ST6GALNAC5: variants seen among roughly 807,000 people sequenced by gnomAD.
The protein encoded by ST6GALNAC5 is alpha-N-acetylgalactosaminide alpha-2,6-sialyltransferase 5.
ST6GALNAC5 carries 27 observed loss-of-function variants against 33.6 expected under a neutral mutation model. The ratio of observed to expected loss-of-function variants is 0.80; its 90% confidence interval spans 0.59 to 1.11. The LOEUF is 1.11. Among genes scored for constraint, ST6GALNAC5 ranks in the 50% least tolerant of loss-of-function variants. The pLI is 0.00. For missense variants in ST6GALNAC5, 428 were observed against 454.0 expected (o/e 0.94, Z 0.52); for synonymous variants, 194 against 171.2 (o/e 1.13, Z -1.04).
chr1:76,883,981 T>C (rs1298834587), intron 2 of ST6GALNAC5, among the ~76,000 whole-genome samples: 1 of 152,148 alleles, frequency 6.6e-6, no homozygotes. Flanking sequence ...GAGGAAGTCT[T>C]TAAAAGGTAA....
chr1:76,975,818 C>T (rs956238202), intron 2 of ST6GALNAC5, among the ~76,000 whole-genome samples: 2 of 152,024 alleles, frequency 1.3e-5, no homozygotes, highest in African/African-American at 4.8e-5. Flanking sequence ...GGACTGGGCA[C>T]GGTGGATGGC....
chr1:77,057,199 A>G (rs1271030236), intron 4 of ST6GALNAC5, among the ~76,000 whole-genome samples: 1 of 152,214 alleles, frequency 6.6e-6, no homozygotes, highest in East Asian at 1.9e-4. Flanking sequence ...CAAAGACACC[A>G]TTCTTTCCTC....
At position 76,882,912 on chromosome 1, in the gene ST6GALNAC5, C is replaced by T. The variant is rs565251327; in HGVS notation, c.261+14170C>T. On this transcript the variant is annotated intron_variant, in intron 2 of 4. Coordinates refer to ENST00000477717, the MANE Select transcript of ST6GALNAC5 (RefSeq NM_030965.3). ...CTGCCCTCAGCCTAGGCACTACGCA[C>T]CCAGGGATACCGCTGCCCTCAGCCT... Among the ~76,000 whole-genome samples, 6 of 152,230 alleles carry T rather than the reference C, an allele frequency of 3.9e-5. No individual in the cohort carries two copies. In the South Asian group the frequency reaches 1.2e-3, roughly 32 times the overall value.
chr1:77,044,394 G>C lies in ST6GALNAC5; in HGVS notation c.452G>C (p.Arg151Thr), dbSNP rs756996368. 1 of 1,613,408 alleles carries C rather than the reference G, an allele frequency of 6.2e-7. No homozygotes were observed. The highest frequency in any genetic ancestry group is 8.5e-7 in the Non-Finnish European group (1 of 1,179,634). The change falls in exon 3 of 5, where the codon AGG becomes ACG. Residue 151 changes from arginine to threonine, a missense_variant. Physicochemically the swap from Arg to Thr is moderately conservative, Grantham distance 71. Transcript: ENST00000477717. ...LRVIAHSSIQ[R>T]ILRNRHDLLN... ...GTCATCGCGCATTCCAGCATCCAGA[G>C]GATCCTCCGCAACCGCCATGACCTG... is the stretch of plus-strand genomic sequence containing the variant.
chr1:77,059,862 A>C (rs940452330), intron 4 of ST6GALNAC5, among the ~76,000 whole-genome samples: 1 of 151,920 alleles, frequency 6.6e-6, no homozygotes, highest in Non-Finnish European at 1.5e-5. Context: ...TTATTTATTC[A>C]GTTATTTATT....
intron 2 of ST6GALNAC5, 32 bp from the exon 3 acceptor site, chr1:77,044,172 C>G: frequency 6.4e-7 from 1 of 1,566,152 alleles, no homozygotes; most frequent in South Asian, 1.2e-5. Context: ...GCCCTTTGCC[C>G]CTGACAGTGT....
intron 4 of ST6GALNAC5, among the ~76,000 whole-genome samples, chr1:77,057,680 G>C (rs1298967845): frequency 6.6e-6 from 1 of 152,168 alleles, no homozygotes; most frequent in African/African-American, 2.4e-5. Flanking sequence ...TTAGACGAGG[G>C]CAAAGAAATC....
At chr1:77,046,673 G>T (rs1302268863) in intron 3 of ST6GALNAC5, among the ~76,000 whole-genome samples, 1 of 152,188 alleles carries the variant, frequency 6.6e-6, no homozygotes, top group Non-Finnish European at 1.5e-5. Flanking sequence ...ATTTAATCAA[G>T]AAAACATTTT....
intron 2 of ST6GALNAC5, among the ~76,000 whole-genome samples, chr1:76,954,208 G>T (rs889452010): frequency 1.3e-5 from 2 of 152,114 alleles, no homozygotes; most frequent in African/African-American, 4.8e-5. Context: ...TTAAAAAGGA[G>T]CGAGATTATG....
In ST6GALNAC5 at chr1:76,999,703, A is replaced by C. The variant is rs538857210; in HGVS notation, c.262-44501A>C. On this transcript the variant is annotated intron_variant, in intron 2 of 4. Transcript: ENST00000477717. The stretch of plus-strand genomic sequence containing the variant: ...CCCCTTCCTGTGTCCATGTGATCTC[A>C]TTGTTCAATTCCCACCTATGAGTGA... Among the ~76,000 whole-genome samples, 1,264 of 136,554 alleles carry C rather than the reference A, an allele frequency of 9.3e-3. 19 individuals are homozygous for C. The highest frequency in any genetic ancestry group is 0.034 in the African/African-American group (1,208 of 35,914). The allele number at this position is 136,554 out of a possible 152,430, so 89.6% of individuals were successfully genotyped here.
intron 2 of ST6GALNAC5, among the ~76,000 whole-genome samples, chr1:77,038,201 G>T (rs970057580): frequency 6.6e-6 from 1 of 152,220 alleles, no homozygotes; most frequent in South Asian, 2.1e-4. Flanking sequence ...ACTGGGTGGA[G>T]ACAGAAAGAC....
At chr1:76,943,950 C>T (rs1200522400) in intron 2 of ST6GALNAC5, among the ~76,000 whole-genome samples, 1 of 151,986 alleles carries the variant, frequency 6.6e-6, no homozygotes. Context: ...CATTATTTAA[C>T]CAATGTTGGG....
At chr1:76,948,679 A>C (rs1426489657) in intron 2 of ST6GALNAC5, among the ~76,000 whole-genome samples, 3 of 152,034 alleles carry the variant, frequency 2.0e-5, no homozygotes, top group African/African-American at 7.2e-5. Context: ...GAATATAAAT[A>C]AGAATATCCT....
chr1:77,033,099 A>G (rs1214988061), intron 2 of ST6GALNAC5, among the ~76,000 whole-genome samples: 2 of 152,336 alleles, frequency 1.3e-5, no homozygotes, highest in Admixed American at 6.5e-5. Context: ...AAATCACATC[A>G]GGGAGTTATT....
At chr1:76,988,326 T>A (rs1199215510) in intron 2 of ST6GALNAC5, among the ~76,000 whole-genome samples, 2 of 152,072 alleles carry the variant, frequency 1.3e-5, no homozygotes, top group African/African-American at 4.8e-5. Flanking sequence ...CTTGCCAATA[T>A]TTTAATTAAA....
intron 2 of ST6GALNAC5, among the ~76,000 whole-genome samples, chr1:76,968,770 G>A (rs1407203127): frequency 2.0e-5 from 3 of 152,180 alleles, no homozygotes; most frequent in Non-Finnish European, 4.4e-5. Flanking sequence ...TTGTAAGGCA[G>A]GCCTGGTGGT....
intron 2 of ST6GALNAC5, among the ~76,000 whole-genome samples, chr1:76,913,589 C>A (rs1396775856): frequency 6.6e-6 from 1 of 152,114 alleles, no homozygotes; most frequent in Non-Finnish European, 1.5e-5. Flanking sequence ...TTCACATAGT[C>A]TCATGTTTCT....
intron 2 of ST6GALNAC5, among the ~76,000 whole-genome samples, chr1:76,977,056 C>A (rs1570729075): frequency 1.3e-5 from 2 of 152,246 alleles, no homozygotes; most frequent in East Asian, 3.9e-4. Flanking sequence ...GGTTCTAGCA[C>A]ATCTATTTAT....
At chr1:76,895,175 G>A in intron 2 of ST6GALNAC5, among the ~76,000 whole-genome samples, 1 of 152,122 alleles carries the variant, frequency 6.6e-6, no homozygotes, top group Admixed American at 6.6e-5. Context: ...TGTACGTGCA[G>A]GTCACAAGGG....
Sources: allele counts gnomAD v4.1 joint callset (sites outside exome capture counted in the v4.1 genomes callset), GRCh38; gene constraint gnomAD v4.1.1; transcripts MANE v1.5; gene names NCBI Gene and HGNC (gene_info 2026-07-23, HGNC 2026-07-21).